ARHGAP35: variants seen among roughly 807,000 people sequenced by gnomAD.
ARHGAP35 encodes the protein Rho GTPase activating protein 35.
In ARHGAP35, 15 loss-of-function variants were observed where a neutral mutation model predicts 111.1. The observed-to-expected ratio is 0.13, with a 90% CI of 0.09 to 0.21. ARHGAP35 has a LOEUF of 0.21. Among genes scored for constraint, ARHGAP35 ranks in the 10% least tolerant of loss-of-function variants. The probability of loss-of-function intolerance (pLI) is 1.00; values close to 1 mark genes in which losing one functional copy is unlikely to be tolerated. For missense variants in ARHGAP35, 1,262 were observed against 1,873.0 expected, an observed-to-expected ratio of 0.67 and a Z score of 6.02; for synonymous variants, 643 against 710.3, an observed-to-expected ratio of 0.91 and a Z score of 1.51.
chr19:46,980,508 T>C (rs903264614), intron 3 of ARHGAP35, among the ~76,000 whole-genome samples: 1 of 152,206 alleles, frequency 6.6e-6, no homozygotes, highest in Non-Finnish European at 1.5e-5. Context: ...ACACCCAGCC[T>C]AGCTATAAGA....
intron 3 of ARHGAP35, among the ~76,000 whole-genome samples, chr19:46,987,788 A>AT (rs1382685893): frequency 6.6e-6 from 1 of 152,200 alleles, no homozygotes; most frequent in Non-Finnish European, 1.5e-5. Flanking sequence ...ATACTTTAAA[A>AT]TTTTTAAGTG....
At position 46,919,426 on chromosome 19, in the gene ARHGAP35, C is replaced by T. The variant is rs776506165; in HGVS notation, c.751C>T (p.Arg251Trp). 1 of 1,613,902 alleles carries T rather than the reference C, an allele frequency of 6.2e-7. No homozygotes were observed. The highest frequency in any genetic ancestry group is 1.1e-5 in the South Asian group (1 of 91,062). Reference sequence around the variant, plus strand: ...CTTAGTGCAACTCATTGATAAAAGTCGGGGAAAGACAAAAATCATTCCTTA... The same window carrying T: ...CTTAGTGCAACTCATTGATAAAAGTTGGGGAAAGACAAAAATCATTCCTTA... ...STLVQLIDKS[R>W]GKTKIIPYFE... The change falls in exon 2 of 7, where the codon CGG becomes TGG. Residue 251 changes from arginine to tryptophan, a missense_variant. Physicochemically the swap from Arg to Trp is moderately radical, Grantham distance 101. Transcript: ENST00000672722. The surrounding 1 kb of genome is among the most constrained non-coding windows in gnomAD (Gnocchi z 6.2).
chr19:46,888,837 CAA>C (rs769595005), intron 1 of ARHGAP35, among the ~76,000 whole-genome samples: 831 of 57,382 alleles, frequency 0.014, 6 homozygotes, highest in African/African-American at 0.038. Context: ...ACTAAAAATA[CAA>C]AAAAAAAAAA....
At position 46,989,483 on chromosome 19, in the gene ARHGAP35, T is replaced by G. The variant is rs2056668439; in HGVS notation, c.3905-61T>G. 2 of 1,604,416 alleles carry G rather than the reference T, an allele frequency of 1.2e-6. No homozygotes were observed. Among genetic ancestry groups the G allele is most frequent in the East Asian group, 4.5e-5 (2 of 44,540 alleles). ...CTCTAGCCTCTCCTGAGCCCCGAGT[T>G]GTCCTGATGCTTCTGCCTGGCTTAG... On this transcript the variant is annotated intron_variant, in intron 4 of 6. Coordinates refer to ENST00000672722, the MANE Select transcript of ARHGAP35 (RefSeq NM_004491.5). This position sits in a 1 kb window ranked among gnomAD's most constrained non-coding sequence, Gnocchi z 5.3.
Position 46,999,333 on chromosome 19 carries a change from G to T in ARHGAP35, c.4066G>T (p.Ala1356Ser). Residue 1356 changes from alanine (A) to serine (S), a missense_variant, in exon 6 of 7, where the codon GCC becomes TCC. Ala to Ser is a moderately conservative substitution (Grantham distance 99, BLOSUM62 1). This residue lies in a region of ARHGAP35 where 50 missense variants were observed against 60.5 expected (regional missense o/e 0.83). Transcript: ENST00000672722. This position sits in a 1 kb window ranked among gnomAD's most constrained non-coding sequence, Gnocchi z 5.4. ...CAACGACCGGGAGCAGAAGTTGCAT[G>T]CCCTTAAGGAGGTATTAAAGAAATT... ...KINDREQKLH[A>S]LKEVLKKFPK... 1 of 1,593,252 alleles carries T rather than the reference G, an allele frequency of 6.3e-7. No individual in the cohort carries two copies. The highest frequency in any genetic ancestry group is 1.1e-5 in the South Asian group (1 of 87,216).
rs541136720 is a variant in ARHGAP35 at position 46,987,515 on chromosome 19, A to G, written c.3827-474A>G. ...CAGGCGTGAGCCACCGCTCCCAGCC[A>G]ACCCTGTATGATTAACAGCATGACT... On this transcript the variant is annotated intron_variant, in intron 3 of 6. Transcript: ENST00000672722. 9.2e-5 allele frequency among the ~76,000 whole-genome samples: 14 copies of G among 152,292 alleles called. No homozygotes were observed. In the East Asian group the frequency reaches 2.7e-3, roughly 29 times the overall value.
At position 46,945,707 on chromosome 19, in the gene ARHGAP35, G is replaced by A. The variant is rs377188368; in HGVS notation, c.3826+8299G>A. On this transcript the variant is annotated intron_variant, in intron 3 of 6. Transcript: ENST00000672722. This position sits in a 1 kb window ranked among gnomAD's most constrained non-coding sequence, Gnocchi z 4.1. ...CCTTGGCTCTGCTGTGTGTGTTCCCGGGTCCCCAGCCTCTCCTCAGCCTCA... is the reference window on the plus strand; with the variant it reads ...CCTTGGCTCTGCTGTGTGTGTTCCCAGGTCCCCAGCCTCTCCTCAGCCTCA... Among the ~76,000 whole-genome samples, 8 of 152,208 alleles carry A rather than the reference G, an allele frequency of 5.3e-5. No homozygotes were observed. Among genetic ancestry groups the A allele is most frequent in the East Asian group, 1.9e-4 (1 of 5,172 alleles).
rs1431242383 is a variant in ARHGAP35 at position 46,922,746 on chromosome 19, A to G, written c.3681+390A>G. Among the ~76,000 whole-genome samples, 1 of 152,168 alleles carries G rather than the reference A, an allele frequency of 6.6e-6. No homozygotes were observed. Among genetic ancestry groups the G allele is most frequent in the Non-Finnish European group, 1.5e-5 (1 of 68,024 alleles). On this transcript the variant is annotated intron_variant, in intron 2 of 6. Transcript: ENST00000672722. The surrounding 1 kb of genome is among the most constrained non-coding windows in gnomAD (Gnocchi z 4.0). ...CTGCTAAACATAACATTTCATCCAT[A>G]CATCTCTTAAATGATCCTTCCTCCC... is the stretch of plus-strand genomic sequence containing the variant.
intron 1 of ARHGAP35, among the ~76,000 whole-genome samples, chr19:46,871,939 C>T (rs2055889815): frequency 6.6e-6 from 1 of 152,042 alleles, no homozygotes; most frequent in African/African-American, 2.4e-5. Context: ...GAGATTATGC[C>T]ACTGCACTCC....
rs1280565635 is a variant in ARHGAP35, at chr19:47,000,696, A to G, written c.*8A>G. ...GCCGAACACACGCTGTGAGCCACCA[A>G]GACCTGGGGCGACAGGAGAACCGGT... On this transcript the variant is annotated 3_prime_UTR_variant, in exon 7 of 7. Coordinates refer to ENST00000672722, the MANE Select transcript of ARHGAP35 (RefSeq NM_004491.5). The surrounding 1 kb of genome is among the most constrained non-coding windows in gnomAD (Gnocchi z 6.9). The G allele has an allele frequency of 6.4e-7, 1 of 1,562,028 alleles. No homozygotes were observed.
chr19:46,979,802 G>T (rs2056611234), intron 3 of ARHGAP35, among the ~76,000 whole-genome samples: 1 of 152,156 alleles, frequency 6.6e-6, no homozygotes, highest in African/African-American at 2.4e-5. Context: ...ATCATGGGGG[G>T]AAAGTCTGGC....
At position 46,987,982 on chromosome 19, in the gene ARHGAP35, T is replaced by C; in HGVS notation, c.3827-7T>C. On this transcript the variant is annotated splice_region_variant and splice_polypyrimidine_tract_variant and intron_variant, in intron 3 of 6. Transcript: ENST00000672722. ...CTGCTCCTAAGACCCTGCCTGTTTC[T>C]CCTCAGGACTGAGCACGGAAGGCAT... 1 of 1,613,564 alleles carries C rather than the reference T, an allele frequency of 6.2e-7. No homozygotes were observed.
At chr19:46,990,870 G>A (rs1318066958) in intron 5 of ARHGAP35, among the ~76,000 whole-genome samples, 1 of 152,174 alleles carries the variant, frequency 6.6e-6, no homozygotes, top group Non-Finnish European at 1.5e-5. Context: ...TCCTTCCAGG[G>A]TCTGCACTTC....
intron 1 of ARHGAP35, among the ~76,000 whole-genome samples, chr19:46,888,319 A>AT (rs2056006031): frequency 1.4e-4 from 7 of 51,172 alleles, no homozygotes; most frequent in Admixed American, 2.4e-4. Context: ...TATATATATA[A>AT]AATATTGATT....
intron 1 of ARHGAP35, among the ~76,000 whole-genome samples, chr19:46,867,872 T>A (rs1599789212): frequency 6.6e-6 from 1 of 152,192 alleles, no homozygotes; most frequent in East Asian, 1.9e-4. Flanking sequence ...TTTTTTAAAT[T>A]TTTTCTTTTT....
In ARHGAP35 at chr19:47,000,616, G is replaced by T. The variant is rs756870166; in HGVS notation, c.4428G>T (p.Ser1476=). 6.2e-7 allele frequency: 1 copy of T among 1,607,460 alleles called. No homozygotes were observed. Among genetic ancestry groups the T allele is most frequent in the Non-Finnish European group, 8.5e-7 (1 of 1,177,482 alleles). ...PVTSQPSPPQ[S]PPPTPQSPMQ... ...CAAGTCAGCCGTCGCCCCCACAGTC[G>T]CCTCCACCCACCCCCCAGTCCCCAA... is the stretch of plus-strand genomic sequence containing the variant. The change falls in exon 7 of 7, where the codon TCG becomes TCT. Residue 1476 remains serine, a synonymous_variant. Transcript: ENST00000672722. This position sits in a 1 kb window ranked among gnomAD's most constrained non-coding sequence, Gnocchi z 6.9.
rs2056016908 is a variant in ARHGAP35 at position 46,890,137 on chromosome 19, TTGTCTCCGTTTTACTTTAC to T, written c.-188-28347_-188-28329del. Among the ~76,000 whole-genome samples, 3 of 152,218 alleles carry T rather than the reference TTGTCTCCGTTTTACTTTAC, an allele frequency of 2.0e-5. No homozygotes were observed. The South Asian group carries it at 6.2e-4, about 31-fold the overall frequency. Reference sequence around the variant, plus strand: ...TAACACTGAGCCCCATGGCCTCATTTTGTCTCCGTTTTACTTTACTGTTCTAGATTGAGACCTGCCTTTT... The same window carrying T: ...TAACACTGAGCCCCATGGCCTCATTTTGTTCTAGATTGAGACCTGCCTTTT... On this transcript the variant is annotated intron_variant, in intron 1 of 6. Coordinates refer to ENST00000672722, the MANE Select transcript of ARHGAP35 (RefSeq NM_004491.5).
At chr19:46,898,159 T>C (rs776164262) in intron 1 of ARHGAP35, among the ~76,000 whole-genome samples, 2 of 151,874 alleles carry the variant, frequency 1.3e-5, no homozygotes, top group Admixed American at 6.6e-5. Flanking sequence ...GGAGAATCAC[T>C]TGAACCTGGG....
chr19:46,893,488 CT>C lies in ARHGAP35; in HGVS notation c.-188-24999del. 1.3e-5 allele frequency among the ~76,000 whole-genome samples: 2 copies of C among 152,100 alleles called. 1 individual carries two copies. Among genetic ancestry groups the C allele is most frequent in the East Asian group, 3.9e-4 (2 of 5,162 alleles). On this transcript the variant is annotated intron_variant, in intron 1 of 6. Coordinates refer to ENST00000672722, the MANE Select transcript of ARHGAP35 (RefSeq NM_004491.5). ...GTTAGTCCTTTCTAGCCTTAAAATG[CT>C]GTGATTCTGTCATCTGAAGAATGGG...
Sources: allele counts gnomAD v4.1 joint callset (sites outside exome capture counted in the v4.1 genomes callset), GRCh38; gene constraint gnomAD v4.1.1; regional missense constraint gnomAD v4.1.1; non-coding constraint Gnocchi (gnomAD v3.1); transcripts MANE v1.5; gene names NCBI Gene and HGNC (gene_info 2026-07-23, HGNC 2026-07-21).